Variants in ANKS1B observed in about 807,000 individuals in gnomAD.
ANKS1B encodes ankyrin repeat and sterile alpha motif domain containing 1B.
Under a neutral mutation model 148.3 loss-of-function variants are expected in ANKS1B, and 36 were observed. The observed-to-expected ratio is 0.24, with a 90% CI of 0.19 to 0.32. The LOEUF is 0.32. Among genes scored for constraint, ANKS1B ranks in the 10% least tolerant of loss-of-function variants. ANKS1B has a pLI of 1.00. For synonymous variants in ANKS1B, 542 were observed against 560.8 expected, an observed-to-expected ratio of 0.97 and a Z score of 0.47; for missense variants, 1,157 against 1,542.6, an observed-to-expected ratio of 0.75 and a Z score of 4.19.
rs192657554 is a variant in ANKS1B at position 98,766,275 on chromosome 12, T to C, written c.3579+6767A>G. ...GCACTGTTAATTTATCTATTCTTTT[T>C]TGGGAGGTGGTGGTGTTAGTGTAGA... On this transcript the variant is annotated intron_variant, in intron 25 of 26. Coordinates refer to ENST00000683438, the MANE Select transcript of ANKS1B (RefSeq NM_001352186.2). 3.9e-3 allele frequency among the ~76,000 whole-genome samples: 599 copies of C among 152,196 alleles called. 9 individuals are homozygous for C. Among genetic ancestry groups the C allele is most frequent in the South Asian group, 0.033 (160 of 4,822 alleles).
intron 14 of ANKS1B, among the ~76,000 whole-genome samples, chr12:99,219,903 G>C (rs2084814087): frequency 6.6e-6 from 1 of 152,272 alleles, no homozygotes; most frequent in Non-Finnish European, 1.5e-5. Context: ...AAGGAACAGA[G>C]TGGTGGTGAG....
intron 11 of ANKS1B, among the ~76,000 whole-genome samples, chr12:99,400,886 C>A (rs2094386145): frequency 6.9e-6 from 1 of 145,044 alleles, no homozygotes; most frequent in South Asian, 2.1e-4. Flanking sequence ...GCAAAATATT[C>A]AAATTGCTGT....
chr12:99,587,976 T>C (rs947068504), intron 9 of ANKS1B, among the ~76,000 whole-genome samples: 3 of 152,146 alleles, frequency 2.0e-5, no homozygotes, highest in Admixed American at 6.5e-5. Context: ...GTGGTTAGAA[T>C]TGTTCTTCAG....
intron 24 of ANKS1B, among the ~76,000 whole-genome samples, chr12:98,777,128 G>C (rs1332905164): frequency 6.6e-6 from 1 of 152,160 alleles, no homozygotes. Flanking sequence ...AGGAGTTTGA[G>C]GTTACAGTGA....
intron 8 of ANKS1B, among the ~76,000 whole-genome samples, chr12:99,691,982 T>C (rs1247757680): frequency 6.6e-6 from 1 of 152,186 alleles, no homozygotes; most frequent in Non-Finnish European, 1.5e-5. Flanking sequence ...TGGGGTATGG[T>C]GGGCATTTTA....
intron 9 of ANKS1B, among the ~76,000 whole-genome samples, chr12:99,595,948 A>T (rs1391905366): frequency 6.6e-6 from 1 of 151,912 alleles, no homozygotes; most frequent in African/African-American, 2.4e-5. Flanking sequence ...TGTTTGTGAT[A>T]TCAATTTAAA....
At chr12:99,935,163 G>A (rs1170825411) in intron 1 of ANKS1B, among the ~76,000 whole-genome samples, 1 of 152,100 alleles carries the variant, frequency 6.6e-6, no homozygotes, top group Admixed American at 6.6e-5. Context: ...ACCTACAGAA[G>A]CAGAGTAAGT....
In ANKS1B at chr12:99,877,358, A is replaced by C. The variant is rs916435984; in HGVS notation, c.135-51969T>G. On this transcript the variant is annotated intron_variant, in intron 1 of 26. Transcript: ENST00000683438. ...CATTTTTCTTATAGTCAAACCTATC[A>C]GATAATCTATTTTTCCCCATGATTA... is the stretch of plus-strand genomic sequence containing the variant. Among the ~76,000 whole-genome samples the C allele has an allele frequency of 3.9e-5, 6 of 152,276 alleles. No individual in the cohort carries two copies. In the South Asian group the frequency reaches 1.2e-3, roughly 32 times the overall value.
chr12:98,795,098 T>C, intron 22 of ANKS1B: 1 of 562,272 alleles, frequency 1.8e-6, no homozygotes, highest in Non-Finnish European at 3.2e-6. Context: ...ATATTTTTCC[T>C]ACCTTGCCAT....
intron 2 of ANKS1B, among the ~76,000 whole-genome samples, chr12:99,818,514 A>C (rs1375970643): frequency 6.6e-6 from 1 of 151,928 alleles, no homozygotes; most frequent in Non-Finnish European, 1.5e-5. Flanking sequence ...CAATATCTGT[A>C]AAATAGCAAG....
chr12:98,798,817 A>G (rs1040800102), intron 22 of ANKS1B, 117 bp downstream of exon 22: 4 of 763,040 alleles, frequency 5.2e-6, no homozygotes, highest in South Asian at 2.1e-5. Flanking sequence ...TGTAATACCA[A>G]TGTGATTCAG....
chr12:99,854,073 C>T (rs1226467986), intron 1 of ANKS1B, among the ~76,000 whole-genome samples: 34 of 152,134 alleles, frequency 2.2e-4, no homozygotes, highest in South Asian at 2.1e-4. Flanking sequence ...TGCAGTGGTG[C>T]GATCTCGGCT....
intron 9 of ANKS1B, among the ~76,000 whole-genome samples, chr12:99,543,872 AT>A (rs1160778642): frequency 5.3e-5 from 8 of 152,162 alleles, no homozygotes; most frequent in Admixed American, 4.6e-4. Context: ...ACCGAAGCTA[AT>A]AAGACATGAG....
intron 12 of ANKS1B, among the ~76,000 whole-genome samples, chr12:99,376,225 G>GA (rs908160858): frequency 2.6e-5 from 4 of 151,746 alleles, no homozygotes; most frequent in Admixed American, 6.6e-5. Context: ...CTGTGGATAC[G>GA]AAAAAAAATG....
chr12:98,831,996 G>A (rs1484897045), intron 18 of ANKS1B, 33 bp downstream of exon 18: 2 of 1,524,962 alleles, frequency 1.3e-6, no homozygotes, highest in Non-Finnish European at 1.8e-6. Context: ...TAAGATAAGG[G>A]CAGAGAACCA....
intron 15 of ANKS1B, among the ~76,000 whole-genome samples, chr12:99,141,740 C>A (rs2070867735): frequency 1.3e-5 from 2 of 151,966 alleles, no homozygotes; most frequent in Non-Finnish European, 2.9e-5. Flanking sequence ...CAATCCACAT[C>A]CCTGCGGAGA....
At chr12:99,665,552 T>G (rs1215483665) in intron 8 of ANKS1B, among the ~76,000 whole-genome samples, 1 of 152,018 alleles carries the variant, frequency 6.6e-6, no homozygotes, top group African/African-American at 2.4e-5. Context: ...AGTGGCACCA[T>G]CTCGGCTCAC....
rs11110108 is a variant in ANKS1B, at chr12:99,905,031, T to C, written c.134+79073A>G. 5.2e-3 allele frequency among the ~76,000 whole-genome samples: 787 copies of C among 152,316 alleles called. 11 individuals are homozygous for C. Among genetic ancestry groups the C allele is most frequent in the African/African-American group, 0.018 (735 of 41,578 alleles). On this transcript the variant is annotated intron_variant, in intron 1 of 26. Transcript: ENST00000683438. ...AGTGGACTTTTAATATGATGCTATT[T>C]CCAATATGATATCTAAAATAGTCCA...
At chr12:99,634,438 A>G (rs891664982) in intron 9 of ANKS1B, among the ~76,000 whole-genome samples, 6 of 152,182 alleles carry the variant, frequency 3.9e-5, no homozygotes, top group Admixed American at 3.9e-4. Flanking sequence ...TATAAAAAAT[A>G]TATTACTTTT....
Sources: allele counts gnomAD v4.1 joint callset (sites outside exome capture counted in the v4.1 genomes callset), GRCh38; gene constraint gnomAD v4.1.1; transcripts MANE v1.5; gene names NCBI Gene and HGNC (gene_info 2026-07-23, HGNC 2026-07-21).